Variants in CLOCK observed in about 807,000 individuals in gnomAD.
CLOCK encodes circadian locomoter output cycles protein kaput.
CLOCK carries 43 observed loss-of-function variants against 118.4 expected under a neutral mutation model. That is an observed-to-expected ratio of 0.36 (90% CI 0.28 to 0.47). CLOCK has a LOEUF of 0.47. CLOCK is among the 20% of genes least tolerant of loss of function. The pLI is 1.00. For synonymous variants in CLOCK, 326 were observed against 339.2 expected (o/e 0.96, Z 0.43); for missense variants, 846 against 999.9 (o/e 0.85, Z 2.08).
chr4:55,482,480 G>A (rs758485835), intron 4 of CLOCK, among the ~76,000 whole-genome samples: 4 of 152,178 alleles, frequency 2.6e-5, no homozygotes, highest in Non-Finnish European at 5.9e-5. Flanking sequence ...CTTCAGAGCA[G>A]CTATGACCAA....
At chr4:55,496,271 GA>G (rs1189841402) in intron 2 of CLOCK, among the ~76,000 whole-genome samples, 1 of 133,036 alleles carries the variant, frequency 7.5e-6, no homozygotes. Context: ...TCTTTAAAAA[GA>G]AAAAAAAAAC....
At chr4:55,473,043 G>A (rs1726255474) in intron 7 of CLOCK, among the ~76,000 whole-genome samples, 1 of 152,120 alleles carries the variant, frequency 6.6e-6, no homozygotes, top group African/African-American at 2.4e-5. Context: ...GACCAACATG[G>A]TGAAAGCTCG....
At chr4:55,532,635 G>A (rs1730628966) in intron 1 of CLOCK, among the ~76,000 whole-genome samples, 1 of 152,112 alleles carries the variant, frequency 6.6e-6, no homozygotes, top group African/African-American at 2.4e-5. Flanking sequence ...GGGAGGCCAA[G>A]GTGGGAGAAC....
At chr4:55,481,630 T>C (rs1267465881) in intron 4 of CLOCK, among the ~76,000 whole-genome samples, 2 of 152,146 alleles carry the variant, frequency 1.3e-5, no homozygotes, top group African/African-American at 4.8e-5. Context: ...ATCTAGCTCA[T>C]AAAAAGGGAG....
chr4:55,540,443 C>A (rs1283016256), intron 1 of CLOCK: 1 of 151,968 alleles, frequency 6.6e-6, no homozygotes, highest in Admixed American at 6.6e-5. Flanking sequence ...TTACATTAAA[C>A]CATATTTTAA....
intron 2 of CLOCK, among the ~76,000 whole-genome samples, chr4:55,498,864 T>C (rs914203426): frequency 2.0e-5 from 3 of 152,164 alleles, no homozygotes; most frequent in African/African-American, 7.2e-5. Flanking sequence ...ACATAACAAG[T>C]ATATTATAGA....
At chr4:55,481,129 C>A (rs1464616990) in intron 4 of CLOCK, among the ~76,000 whole-genome samples, 1 of 152,054 alleles carries the variant, frequency 6.6e-6, no homozygotes, top group Admixed American at 6.6e-5. Flanking sequence ...ACATAAATTC[C>A]CTATTCACTC....
At chr4:55,534,804 T>C (rs986971757) in intron 1 of CLOCK, among the ~76,000 whole-genome samples, 10 of 151,382 alleles carry the variant, frequency 6.6e-5, no homozygotes, top group Admixed American at 2.0e-4. Flanking sequence ...CCTAAATGAA[T>C]GGAGAGGTAT....
intron 1 of CLOCK, among the ~76,000 whole-genome samples, chr4:55,539,232 CAAA>C (rs112876515): frequency 0.45 from 60,411 of 134,424 alleles, 13,213 homozygotes; most frequent in African/African-American, 0.61. Context: ...GAGACTGTCT[CAAA>C]AAAACAACAA....
intron 1 of CLOCK, among the ~76,000 whole-genome samples, chr4:55,528,638 A>G (rs1730351701): frequency 6.6e-6 from 1 of 150,576 alleles, no homozygotes; most frequent in Non-Finnish European, 1.5e-5. Flanking sequence ...TTAAGTTTAA[A>G]CAGAACTAAG....
chr4:55,545,052 C>CTT (rs34291520), intron 1 of CLOCK, among the ~76,000 whole-genome samples: 29 of 144,690 alleles, frequency 2.0e-4, no homozygotes, highest in Admixed American at 3.5e-4. Context: ...TTCAGGCTAA[C>CTT]TTTTTTTTTT....
chr4:55,465,682 G>C (rs2109832506), intron 8 of CLOCK, among the ~76,000 whole-genome samples: 1 of 152,264 alleles, frequency 6.6e-6, no homozygotes, highest in Middle Eastern at 3.4e-3. Context: ...GCTGGGTGCA[G>C]TGGTCATGCC....
chr4:55,482,329 T>C (rs569219456), intron 4 of CLOCK, among the ~76,000 whole-genome samples: 139 of 152,330 alleles, frequency 9.1e-4, no homozygotes, highest in African/African-American at 3.2e-3. Flanking sequence ...ATGTAAAGAT[T>C]ACAATTTTAA....
intron 9 of CLOCK, among the ~76,000 whole-genome samples, chr4:55,459,844 T>C (rs75746262): frequency 0.043 from 6,563 of 152,168 alleles, 448 homozygotes; most frequent in African/African-American, 0.15. Context: ...TAATTTTTTA[T>C]AGAAATGGGG....
chr4:55,448,601 C>CGTGTGTGTGT (rs3034980), intron 18 of CLOCK, among the ~76,000 whole-genome samples, 178 bp downstream of exon 18: 7 of 117,036 alleles, frequency 6.0e-5, no homozygotes, highest in Non-Finnish European at 1.3e-4. Context: ...CGCACGCGCG[C>CGTGTGTGTGT]GTGTGTGTGT....
intron 2 of CLOCK, among the ~76,000 whole-genome samples, chr4:55,498,640 T>G (rs928446149): frequency 4.0e-5 from 6 of 148,978 alleles, no homozygotes; most frequent in Admixed American, 1.3e-4. Flanking sequence ...ACCCACTGAC[T>G]GTTTGATCCT....
intron 2 of CLOCK, among the ~76,000 whole-genome samples, chr4:55,500,065 A>G (rs988787815): frequency 2.0e-5 from 3 of 152,160 alleles, no homozygotes; most frequent in Non-Finnish European, 4.4e-5. Context: ...AGAGAAAAAA[A>G]GGGGGGAATT....
intron 2 of CLOCK, among the ~76,000 whole-genome samples, chr4:55,506,841 G>A (rs1382871425): frequency 2.0e-5 from 3 of 152,124 alleles, no homozygotes; most frequent in Non-Finnish European, 4.4e-5. Flanking sequence ...GATTACAGGC[G>A]TGAGCCACCA....
chr4:55,524,660 T>C (rs532286031), intron 1 of CLOCK, among the ~76,000 whole-genome samples: 3 of 152,364 alleles, frequency 2.0e-5, no homozygotes, highest in Admixed American at 6.5e-5. Context: ...ATAAAATTTC[T>C]ATTGGACAAT....
Sources: gnomAD v4.1 joint callset for allele counts (sites outside exome capture counted in the v4.1 genomes callset) on GRCh38, gnomAD v4.1.1 for gene constraint, MANE v1.5 for transcripts, NCBI Gene and HGNC (gene_info 2026-07-23, HGNC 2026-07-21) for gene names.